SOD2: variants seen among roughly 807,000 people sequenced by gnomAD.
SOD2 encodes the protein superoxide dismutase 2.
In SOD2, 11 loss-of-function variants were observed where a neutral mutation model predicts 27.0. The observed-to-expected ratio is 0.41, with a 90% CI of 0.26 to 0.67. The LOEUF (loss-of-function observed/expected upper bound fraction) is 0.67. Ranked by LOEUF, SOD2 falls within the 30% of genes least tolerant of loss-of-function variation. SOD2 has a pLI of 0.34. For synonymous variants in SOD2, 105 were observed against 103.0 expected, an observed-to-expected ratio of 1.02 and a Z score of -0.12; for missense variants, 250 against 274.5, an observed-to-expected ratio of 0.91 and a Z score of 0.63.
At chr6:159,736,737 A>C (rs891338341) in intron 1 of SOD2, 1 of 153,478 alleles carries the variant, frequency 6.5e-6, no homozygotes, top group Admixed American at 6.5e-5. Context: ...CTAATTTTCA[A>C]ATTCTACCTT....
Position 159,675,819 on chromosome 6 carries a change from A to C in SOD2, c.*6674T>G, listed in dbSNP as rs1360453961. The stretch of plus-strand genomic sequence containing the variant: ...CATCAGAGTGAACAGGCAACCTACA[A>C]AATGGGAGAAAATTTTTGCAATCTA... On this transcript the variant is annotated 3_prime_UTR_variant, in exon 5 of 5. Coordinates refer to ENST00000538183, the MANE Select transcript of SOD2 (RefSeq NM_000636.4). The C allele has an allele frequency of 6.6e-6, 1 of 152,148 alleles. No individual in the cohort carries two copies. Among genetic ancestry groups the C allele is most frequent in the African/African-American group, 2.4e-5 (1 of 41,436 alleles). The allele number at this position is 152,148 out of a possible 1,614,324, so 9.4% of individuals were successfully genotyped here.
intron 2 of SOD2, among the ~76,000 whole-genome samples, chr6:159,689,518 CTTGT>C (rs1780350872): frequency 6.6e-6 from 1 of 152,208 alleles, no homozygotes; most frequent in Admixed American, 6.5e-5. Flanking sequence ...TGGAAATCCT[CTTGT>C]TTAATAAATA....
At chr6:159,709,372 C>G (rs1278142382) in intron 1 of SOD2, among the ~76,000 whole-genome samples, 2 of 152,050 alleles carry the variant, frequency 1.3e-5, no homozygotes, top group African/African-American at 2.4e-5. Context: ...ACTCATCTGA[C>G]AAAGGGCTAA....
intron 1 of SOD2, among the ~76,000 whole-genome samples, chr6:159,732,369 A>G (rs896099023): frequency 6.6e-6 from 1 of 152,202 alleles, no homozygotes; most frequent in Admixed American, 6.5e-5. Flanking sequence ...AGTGATAAAT[A>G]TAGCTGTTTT....
chr6:159,736,300 G>A, intron 1 of SOD2: 1 of 1,603,326 alleles, frequency 6.2e-7, no homozygotes, highest in Non-Finnish European at 8.5e-7. Context: ...AAGAAGGTAT[G>A]GGTTTTGGTT....
At position 159,698,508 on chromosome 6, in the gene SOD2, G is replaced by T. The variant is rs112613184; in HGVS notation, c.-115-5645C>A. ...AATCGCTTGAGCCTGGGAGGCAAAG[G>T]TTGCAGTGAGCTGAGATCGCGCCAC... On this transcript the variant is annotated intron_variant, in intron 1 of 2. Transcript: ENST00000401980. Among the ~76,000 whole-genome samples the T allele has an allele frequency of 7.9e-3, 1,127 of 142,880 alleles. 17 individuals are homozygous for T. The highest frequency in any genetic ancestry group is 0.028 in the African/African-American group (1,075 of 37,970). 93.7% of individuals were successfully genotyped at this position (142,880 alleles called of 152,430 possible).
intron 1 of SOD2, among the ~76,000 whole-genome samples, chr6:159,704,783 C>A (rs1049897874): frequency 6.6e-6 from 1 of 152,240 alleles, no homozygotes; most frequent in African/African-American, 2.4e-5. Flanking sequence ...AGCAGTGGTT[C>A]TCCCAGCACA....
chr6:159,701,364 A>G (rs1046924819), intron 1 of SOD2, among the ~76,000 whole-genome samples: 10 of 152,192 alleles, frequency 6.6e-5, no homozygotes, highest in African/African-American at 2.4e-4. Flanking sequence ...TCTAACTTAA[A>G]GTGATTATAA....
chr6:159,693,658 G>A (rs1219156920), upstream of SOD2, among the ~76,000 whole-genome samples: 1 of 152,202 alleles, frequency 6.6e-6, no homozygotes, highest in Non-Finnish European at 1.5e-5. Flanking sequence ...GCGCTGCCGG[G>A]GGGCCGCGGG....
upstream of SOD2, chr6:159,693,338 C>CA (rs1777335932): frequency 7.0e-6 from 2 of 287,746 alleles, no homozygotes; most frequent in African/African-American, 4.7e-5. Context: ...GCCCCCCCCC[C>CA]CCGCGGGCCC....
intron 1 of SOD2, among the ~76,000 whole-genome samples, chr6:159,740,021 C>T (rs1779155177): frequency 6.6e-6 from 1 of 151,728 alleles, no homozygotes; most frequent in African/African-American, 2.4e-5. Flanking sequence ...TTTTAATGTG[C>T]ATATAAATTA....
At chr6:159,697,446 A>G (rs543402438), upstream of SOD2, among the ~76,000 whole-genome samples, 3 of 152,308 alleles carry the variant, frequency 2.0e-5, no homozygotes, top group East Asian at 3.9e-4. Flanking sequence ...GAAAATGATT[A>G]TAGAGCTATA....
At chr6:159,717,400 C>A (rs142921040) in intron 1 of SOD2, among the ~76,000 whole-genome samples, 26 of 152,256 alleles carry the variant, frequency 1.7e-4, no homozygotes, top group African/African-American at 6.3e-4. Context: ...TAGGCATGAG[C>A]CACTGTGCCT....
At chr6:159,743,201 C>G (rs953010849) in intron 1 of SOD2, among the ~76,000 whole-genome samples, 3 of 152,192 alleles carry the variant, frequency 2.0e-5, no homozygotes, top group Non-Finnish European at 2.9e-5. Context: ...ACATGCATCA[C>G]CACGACTGGC....
At chr6:159,691,089 C>A (rs981587814) in intron 2 of SOD2, 2 of 152,078 alleles carry the variant, frequency 1.3e-5, no homozygotes, top group Admixed American at 1.3e-4. Flanking sequence ...CAATATAGTA[C>A]AATACAATAA....
upstream of SOD2, chr6:159,727,618 TGGCCCGGGG>T (rs902495148): frequency 4.0e-5 from 39 of 985,768 alleles, no homozygotes; most frequent in South Asian, 4.6e-5. Flanking sequence ...GGCTGCGCGG[TGGCCCGGGG>T]GGCCCGGGCG....
rs2842981 is a variant in SOD2, at chr6:159,678,411, C to A, written c.*4082G>T. 61,128 of 151,912 alleles carry A rather than the reference C, an allele frequency of 0.4. 13,605 individuals are homozygous for A. Among genetic ancestry groups the A allele is most frequent in the Non-Finnish European group, 0.49 (33,531 of 67,990 alleles). 9.4% of individuals were successfully genotyped at this position (151,912 alleles called of 1,614,324 possible). A position where few individuals can be genotyped will look rare whatever the true frequency, so the allele number is the denominator to read the frequency against. The stretch of plus-strand genomic sequence containing the variant: ...GCATGGTGGTGCACACTTGTAATCC[C>A]AGCTACTTGGGAGGCTGAGGCATGA... On this transcript the variant is annotated 3_prime_UTR_variant, in exon 5 of 5. Coordinates refer to ENST00000538183, the MANE Select transcript of SOD2 (RefSeq NM_000636.4).
At chr6:159,728,412 A>C (rs1173925195), upstream of SOD2, among the ~76,000 whole-genome samples, 1 of 138,504 alleles carries the variant, frequency 7.2e-6, no homozygotes, top group East Asian at 2.2e-4. Context: ...GTGATTATGT[A>C]AAAAAAACAA....
chr6:159,743,943 A>G (rs1416156263), intron 1 of SOD2: 1 of 912,748 alleles, frequency 1.1e-6, no homozygotes, highest in East Asian at 3.6e-5. Context: ...ACTAGATGAA[A>G]AATTTTGATA....
Sources: allele counts gnomAD v4.1 joint callset (sites outside exome capture counted in the v4.1 genomes callset), GRCh38; gene constraint gnomAD v4.1.1; transcripts MANE v1.5; gene names NCBI Gene and HGNC (gene_info 2026-07-23, HGNC 2026-07-21).